Variants in SLC35F3 observed in about 807,000 individuals in gnomAD.
SLC35F3 encodes the protein putative thiamine transporter SLC35F3.
Under a neutral mutation model 49.9 loss-of-function variants are expected in SLC35F3, and 25 were observed. The observed-to-expected ratio is 0.50, with a 90% CI of 0.37 to 0.70. The LOEUF (loss-of-function observed/expected upper bound fraction) is 0.70. SLC35F3 is among the 30% of genes least tolerant of loss of function. SLC35F3 has a pLI of 0.00. For missense variants in SLC35F3, 525 were observed against 639.8 expected (o/e 0.82, Z 1.94); for synonymous variants, 275 against 265.4 (o/e 1.04, Z -0.35).
intron 2 of SLC35F3, among the ~76,000 whole-genome samples, chr1:234,007,543 C>T (rs541558512): frequency 3.0e-4 from 46 of 151,846 alleles, no homozygotes; most frequent in East Asian, 9.7e-4. Flanking sequence ...GCTTTTATGC[C>T]GAACGAAGTG....
intron 2 of SLC35F3, among the ~76,000 whole-genome samples, chr1:234,056,865 A>C (rs1203265541): frequency 6.6e-6 from 1 of 152,174 alleles, no homozygotes; most frequent in African/African-American, 2.4e-5. Flanking sequence ...GGTCTAACTC[A>C]TCCTTTTTTG....
At chr1:234,114,738 G>GA (rs1203264806) in intron 2 of SLC35F3, among the ~76,000 whole-genome samples, 1 of 152,198 alleles carries the variant, frequency 6.6e-6, no homozygotes, top group Non-Finnish European at 1.5e-5. Context: ...GACATTTGGG[G>GA]AAGAGTTGGA....
chr1:234,123,960 T>A (rs1327048933), intron 2 of SLC35F3, among the ~76,000 whole-genome samples: 1 of 152,192 alleles, frequency 6.6e-6, no homozygotes, highest in Non-Finnish European at 1.5e-5. Context: ...AGCAACCAGC[T>A]CAGTCCCCAT....
intron 2 of SLC35F3, among the ~76,000 whole-genome samples, chr1:233,960,861 AG>A (rs1394749027): frequency 6.6e-6 from 1 of 151,876 alleles, no homozygotes; most frequent in Non-Finnish European, 1.5e-5. Flanking sequence ...TTTCTCCATT[AG>A]CTGAGAGCAT....
At chr1:234,258,160 G>A (rs1667849709) in intron 3 of SLC35F3, among the ~76,000 whole-genome samples, 1 of 152,206 alleles carries the variant, frequency 6.6e-6, no homozygotes, top group East Asian at 1.9e-4. Context: ...TTCAAGAATA[G>A]TTTGGTGGGC....
At chr1:234,020,507 C>T (rs1043629946) in intron 2 of SLC35F3, among the ~76,000 whole-genome samples, 1 of 151,864 alleles carries the variant, frequency 6.6e-6, no homozygotes. Flanking sequence ...CCTCTCTGTC[C>T]CTCCCCCTTT....
Position 234,318,766 on chromosome 1 carries a change from C to T in SLC35F3, c.970C>T (p.Leu324Phe). 1.2e-6 allele frequency: 2 copies of T among 1,614,078 alleles called. No homozygotes were observed. Among genetic ancestry groups the T allele is most frequent in the Non-Finnish European group, 1.7e-6 (2 of 1,179,948 alleles). ...SALYKVLFKL[L>F]LGSAKFGEAA... The stretch of plus-strand genomic sequence containing the variant: ...TCTCCTACAGGTTTTGTTCAAGCTC[C>T]TCCTGGGCAGTGCTAAGTTTGGAGA... Residue 324 changes from leucine to phenylalanine, a missense_variant, in exon 6 of 8, where the codon CTC (leucine) becomes TTC (phenylalanine). This residue lies in a region of SLC35F3 where 216 missense variants were observed against 298.1 expected (regional missense o/e 0.72). Coordinates refer to ENST00000366618, the MANE Select transcript of SLC35F3 (RefSeq NM_173508.4).
At chr1:234,240,059 A>G in intron 3 of SLC35F3, among the ~76,000 whole-genome samples, 1 of 152,212 alleles carries the variant, frequency 6.6e-6, no homozygotes, top group East Asian at 1.9e-4. Context: ...ATTGACTCCT[A>G]ACGTGGATAC....
intron 2 of SLC35F3, among the ~76,000 whole-genome samples, chr1:234,101,713 CTG>C (rs1182607001): frequency 1.3e-5 from 2 of 152,188 alleles, no homozygotes; most frequent in Non-Finnish European, 2.9e-5. Flanking sequence ...GTTGAAAGCA[CTG>C]TGTAAACATT....
chr1:233,959,376 A>G (rs1319824887), intron 2 of SLC35F3, among the ~76,000 whole-genome samples: 1 of 152,234 alleles, frequency 6.6e-6, no homozygotes, highest in Admixed American at 6.5e-5. Context: ...AGAAAAAAGC[A>G]GTAAGTACAC....
At chr1:234,232,880 G>A (rs1040625283) in intron 3 of SLC35F3, among the ~76,000 whole-genome samples, 1 of 152,188 alleles carries the variant, frequency 6.6e-6, no homozygotes, top group African/African-American at 2.4e-5. Flanking sequence ...TGGAAGTACG[G>A]GTGTGATACT....
Position 234,214,382 on chromosome 1 carries a change from C to T in SLC35F3, c.284-17035C>T. ...GGCCGGGACTGAGAGGGGCGAGCCG[C>T]TGGTGCTCCCCGGCGGCAGAGGGCC... On this transcript the variant is annotated intron_variant, in intron 2 of 7. Transcript: ENST00000366618. The surrounding 1 kb of genome is among the most constrained non-coding windows in gnomAD (Gnocchi z 8.0). 2.2e-6 allele frequency: 3 copies of T among 1,362,736 alleles called. No homozygotes were observed. The highest frequency in any genetic ancestry group is 2.8e-6 in the Non-Finnish European group (3 of 1,057,474). 84.4% of individuals were successfully genotyped at this position (1,362,736 alleles called of 1,614,324 possible).
intron 2 of SLC35F3, among the ~76,000 whole-genome samples, chr1:234,155,880 A>G (rs1298284155): frequency 6.6e-6 from 1 of 152,030 alleles, no homozygotes; most frequent in African/African-American, 2.4e-5. Context: ...TTCCATATTT[A>G]TATATTCTTT....
intron 2 of SLC35F3, among the ~76,000 whole-genome samples, chr1:234,096,077 C>T (rs550544803): frequency 2.6e-5 from 4 of 152,204 alleles, no homozygotes; most frequent in Non-Finnish European, 5.9e-5. Flanking sequence ...TTATGTTTAT[C>T]AAAGCAGGCT....
chr1:234,087,348 G>T (rs1664975940), intron 2 of SLC35F3, among the ~76,000 whole-genome samples: 1 of 152,208 alleles, frequency 6.6e-6, no homozygotes, highest in Admixed American at 6.5e-5. Context: ...GTTAGGTGTG[G>T]TTAAATGTTC....
chr1:234,063,569 A>T (rs185191725), intron 2 of SLC35F3, among the ~76,000 whole-genome samples: 1 of 152,252 alleles, frequency 6.6e-6, no homozygotes, highest in East Asian at 1.9e-4. Context: ...GATCCCCCCA[A>T]TAAAACTTGT....
chr1:233,931,992 A>C lies in SLC35F3; in HGVS notation c.283+26234A>C, dbSNP rs148613791. On this transcript the variant is annotated intron_variant, in intron 2 of 7. Coordinates refer to ENST00000366618, the MANE Select transcript of SLC35F3 (RefSeq NM_173508.4). ...AAGAGGATGAGTTCATGTCCTTTGC[A>C]GGGATATGGATGAAGCTGGAAACTA... Among the ~76,000 whole-genome samples the C allele has an allele frequency of 6.6e-5, 10 of 152,362 alleles. No homozygotes were observed. The East Asian group carries it at 1.9e-3, about 29-fold the overall frequency.
At chr1:233,914,078 C>G (rs973157860) in intron 2 of SLC35F3, among the ~76,000 whole-genome samples, 1 of 152,094 alleles carries the variant, frequency 6.6e-6, no homozygotes, top group African/African-American at 2.4e-5. Flanking sequence ...CCTTAACTGC[C>G]CTGTACTACA....
chr1:233,931,611 T>C (rs1331852446), intron 2 of SLC35F3, among the ~76,000 whole-genome samples: 1 of 152,200 alleles, frequency 6.6e-6, no homozygotes, highest in African/African-American at 2.4e-5. Flanking sequence ...TCACACCAGT[T>C]AGAATGGCGG....
Sources: allele counts gnomAD v4.1 joint callset (sites outside exome capture counted in the v4.1 genomes callset), GRCh38; gene constraint gnomAD v4.1.1; regional missense constraint gnomAD v4.1.1; non-coding constraint Gnocchi (gnomAD v3.1); transcripts MANE v1.5; gene names NCBI Gene and HGNC (gene_info 2026-07-23, HGNC 2026-07-21).